The following ADAMTS14 variants were observed in gnomAD, a reference collection of about 807,000 sequenced individuals.
ADAMTS14 encodes ADAM metallopeptidase with thrombospondin type 1 motif 14.
In ADAMTS14, 100 loss-of-function variants were observed where a neutral mutation model predicts 128.6. The observed-to-expected ratio is 0.78, with a 90% confidence interval of 0.66 to 0.92. The LOEUF (loss-of-function observed/expected upper bound fraction) is 0.92. Among genes scored for constraint, ADAMTS14 ranks in the 40% least tolerant of loss-of-function variants. The pLI is 0.00. For missense variants in ADAMTS14, 1,562 were observed against 1,658.6 expected (o/e 0.94, Z 1.01); for synonymous variants, 665 against 653.8 (o/e 1.02, Z -0.26).
At chr10:70,757,852 C>A (rs938914352) in intron 19 of ADAMTS14, 110 bp from the exon 20 acceptor site, 4 of 1,461,734 alleles carry the variant, frequency 2.7e-6, no homozygotes, top group East Asian at 4.6e-5. Context: ...TCCTTTGTAC[C>A]CTTTCTGTCC....
intron 2 of ADAMTS14, 86 bp downstream of exon 2, chr10:70,675,081 G>A: frequency 1.3e-6 from 2 of 1,497,646 alleles, no homozygotes; most frequent in Admixed American, 3.5e-5. Context: ...GGCATGTTTT[G>A]CAGTCTGGGC....
chr10:70,736,934 G>C (rs919551463), intron 10 of ADAMTS14, 141 bp downstream of exon 10: 2 of 685,976 alleles, frequency 2.9e-6, no homozygotes, highest in African/African-American at 3.6e-5. Context: ...AAAGACAGTG[G>C]TGAGTCCAGT....
intron 2 of ADAMTS14, among the ~76,000 whole-genome samples, chr10:70,694,018 G>A (rs1320393087): frequency 6.6e-6 from 1 of 152,248 alleles, no homozygotes; most frequent in Non-Finnish European, 1.5e-5. Flanking sequence ...TGTCCCCAAG[G>A]CTGCAGCTCG....
At chr10:70,692,459 A>G (rs1317420852) in intron 2 of ADAMTS14, among the ~76,000 whole-genome samples, 4 of 152,206 alleles carry the variant, frequency 2.6e-5, no homozygotes, top group Non-Finnish European at 4.4e-5. Context: ...TTCCCTCCCC[A>G]GCGAAGCCTC....
chr10:70,683,079 G>A (rs1839861830), intron 2 of ADAMTS14, among the ~76,000 whole-genome samples: 2 of 152,240 alleles, frequency 1.3e-5, no homozygotes, highest in South Asian at 2.1e-4. Flanking sequence ...ACTGCCATTT[G>A]CCCTCCTGCG....
chr10:70,745,350 C>T, intron 15 of ADAMTS14, 44 bp downstream of exon 15: 1 of 1,604,002 alleles, frequency 6.2e-7, no homozygotes, highest in African/African-American at 1.3e-5. Context: ...GCCCCAGGCC[C>T]TGCCCTCTGA....
intron 6 of ADAMTS14, 131 bp from the exon 7 acceptor site, chr10:70,732,123 C>A: frequency 1.3e-6 from 1 of 790,978 alleles, no homozygotes; most frequent in Non-Finnish European, 2.1e-6. Flanking sequence ...ACTTTGTGAG[C>A]ATCTGTCTTC....
intron 4 of ADAMTS14, among the ~76,000 whole-genome samples, chr10:70,711,446 C>T (rs1308765787): frequency 1.3e-5 from 2 of 152,284 alleles, no homozygotes; most frequent in South Asian, 2.1e-4. Context: ...CAGCCATGGC[C>T]GCTGGAGAAA....
chr10:70,703,566 G>A (rs559932726), intron 3 of ADAMTS14, among the ~76,000 whole-genome samples: 19 of 152,322 alleles, frequency 1.2e-4, no homozygotes, highest in Non-Finnish European at 2.6e-4. Flanking sequence ...GCACTGGCGT[G>A]GATTTCAGGG....
At chr10:70,684,628 A>G (rs1210578257) in intron 2 of ADAMTS14, among the ~76,000 whole-genome samples, 1 of 152,288 alleles carries the variant, frequency 6.6e-6, no homozygotes, top group East Asian at 1.9e-4. Context: ...GTTAGAAATT[A>G]TGCACTTAAA....
Position 70,760,672 on chromosome 10 carries a change from A to T in ADAMTS14, c.3491A>T (p.His1164Leu), listed in dbSNP as rs1289266091. 1 of 1,614,050 alleles carries T rather than the reference A, an allele frequency of 6.2e-7. No individual in the cohort carries two copies. Among genetic ancestry groups the T allele is most frequent in the Non-Finnish European group, 8.5e-7 (1 of 1,180,032 alleles). Residue 1164 changes from histidine (H) to leucine (L), a missense_variant, in exon 22 of 22, where the codon CAT becomes CTT. Coordinates refer to ENST00000373207, the MANE Select transcript of ADAMTS14 (RefSeq NM_080722.4). ...GATACAAGCTCCCCAGGGACCCAGC[A>T]TCCCTTTGCCCCTGAGACACCAATC... ...ALDTSSPGTQ[H>L]PFAPETPIPG...
At chr10:70,737,883 A>G (rs1395553605) in intron 10 of ADAMTS14, among the ~76,000 whole-genome samples, 1 of 152,176 alleles carries the variant, frequency 6.6e-6, no homozygotes, top group East Asian at 1.9e-4. Flanking sequence ...AATATTTTTG[A>G]GGTGATAAAA....
At position 70,758,213 on chromosome 10, in the gene ADAMTS14, G is replaced by C. The variant is rs758515444; in HGVS notation, c.3106G>C (p.Glu1036Gln). Residue 1036 changes from glutamate (E) to glutamine (Q), a missense_variant, in exon 21 of 22, where the codon GAA becomes CAA. Glu to Gln is a conservative substitution (Grantham distance 29). Coordinates refer to ENST00000373207, the MANE Select transcript of ADAMTS14 (RefSeq NM_080722.4). The part of the protein sequence containing the change: ...QNSTVRADVW[E>Q]LGTPEGQWVP... The stretch of plus-strand genomic sequence containing the variant: ...CTCCACGGTGAGGGCCGATGTCTGG[G>C]AACTTGGGACGCCAGAGGGGCAGTG... 1 of 1,614,228 alleles carries C rather than the reference G, an allele frequency of 6.2e-7. No homozygotes were observed. The highest frequency in any genetic ancestry group is 1.1e-5 in the South Asian group (1 of 91,082).
intron 2 of ADAMTS14, among the ~76,000 whole-genome samples, chr10:70,687,303 C>T (rs1307920987): frequency 9.1e-6 from 1 of 109,576 alleles, no homozygotes; most frequent in African/African-American, 3.0e-5. Context: ...CCCCACCTCC[C>T]TCCTGGACAG....
intron 4 of ADAMTS14, among the ~76,000 whole-genome samples, chr10:70,726,246 G>A (rs1050132637): frequency 4.6e-5 from 7 of 152,246 alleles, no homozygotes; most frequent in African/African-American, 1.7e-4. Flanking sequence ...TCAATGTCCT[G>A]AGCTGGAGAT....
In ADAMTS14 at chr10:70,715,822, T is replaced by A. The variant is rs1351203927; in HGVS notation, c.870+7044T>A. Among the ~76,000 whole-genome samples, 5 of 152,164 alleles carry A rather than the reference T, an allele frequency of 3.3e-5. No homozygotes were observed. The East Asian group carries it at 9.6e-4, about 29-fold the overall frequency. ...TAGGAAGCCCTCCAATCTGGAGTTA[T>A]AAGAGACCACGTGGATGGTGGCAGG... On this transcript the variant is annotated intron_variant, in intron 4 of 21. Coordinates refer to ENST00000373207, the MANE Select transcript of ADAMTS14 (RefSeq NM_080722.4).
At chr10:70,703,277 G>A (rs1394192402) in intron 3 of ADAMTS14, among the ~76,000 whole-genome samples, 1 of 152,194 alleles carries the variant, frequency 6.6e-6, no homozygotes, top group Non-Finnish European at 1.5e-5. Flanking sequence ...TCCTAGGCCC[G>A]CTGGTCAACT....
intron 11 of ADAMTS14, 94 bp downstream of exon 11, chr10:70,739,084 A>G: frequency 6.9e-7 from 1 of 1,444,028 alleles, no homozygotes; most frequent in East Asian, 2.4e-5. Context: ...AGTGCAGGAG[A>G]GAAGGGCCCC....
intron 21 of ADAMTS14, among the ~76,000 whole-genome samples, chr10:70,758,756 G>A (rs1255334406): frequency 6.6e-6 from 1 of 152,202 alleles, no homozygotes; most frequent in African/African-American, 2.4e-5. Flanking sequence ...AATTGGATGA[G>A]AGAATGCATG....
Sources: gnomAD v4.1 joint callset for allele counts (sites outside exome capture counted in the v4.1 genomes callset) on GRCh38, gnomAD v4.1.1 for gene constraint, MANE v1.5 for transcripts, NCBI Gene and HGNC (gene_info 2026-07-23, HGNC 2026-07-21) for gene names.